Variants in PCDHGA6 observed in about 807,000 individuals in gnomAD.
PCDHGA6 encodes protocadherin gamma subfamily A, 6.
PCDHGA6 carries 41 observed loss-of-function variants against 60.6 expected under a neutral mutation model. That is an observed-to-expected ratio of 0.68 (90% confidence interval 0.53 to 0.88). The LOEUF is 0.88. PCDHGA6 is among the 40% of genes least tolerant of loss of function. The pLI is 0.00. For synonymous variants in PCDHGA6, 594 were observed against 524.4 expected, an observed-to-expected ratio of 1.13 and a Z score of -1.81; for missense variants, 1,312 against 1,203.0, an observed-to-expected ratio of 1.09 and a Z score of -1.34.
intron 1 of PCDHGA6, chr5:141,415,799 C>T (rs1037967294): frequency 5.2e-6 from 7 of 1,335,782 alleles, no homozygotes; most frequent in Non-Finnish European, 6.7e-6. Context: ...CACCTAGTCT[C>T]AATCAAGGCC....
Position 141,487,341 on chromosome 5 carries a change from TC to T in PCDHGA6, c.2425-7465del, listed in dbSNP as rs778559139. Reference sequence around the variant, plus strand: ...TGTCTTCGTGGGGCAGCCTGTGGAGTCACATGCTTTCCTGCTGGCACCTGTG... The same window carrying T: ...TGTCTTCGTGGGGCAGCCTGTGGAGTACATGCTTTCCTGCTGGCACCTGTG... On this transcript the variant is annotated intron_variant, in intron 1 of 3. Transcript: ENST00000517434. This position sits in a 1 kb window ranked among gnomAD's most constrained non-coding sequence, Gnocchi z 5.0. 1 of 1,614,012 alleles carries T rather than the reference TC, an allele frequency of 6.2e-7. No homozygotes were observed. The highest frequency in any genetic ancestry group is 1.1e-5 in the South Asian group (1 of 91,074).
At chr5:141,438,883 C>T (rs1026043786) in intron 1 of PCDHGA6, among the ~76,000 whole-genome samples, 4 of 151,728 alleles carry the variant, frequency 2.6e-5, no homozygotes, top group Non-Finnish European at 5.9e-5. Context: ...CCAGGCTGCT[C>T]TTGAACTCCT....
chr5:141,381,965 G>A (rs571350764), intron 1 of PCDHGA6, among the ~76,000 whole-genome samples: 2 of 151,078 alleles, frequency 1.3e-5, no homozygotes, highest in Admixed American at 1.3e-4. Context: ...GAGTAGCTGG[G>A]ATTACAGGCG....
chr5:141,476,142 G>T lies in PCDHGA6; in HGVS notation c.2425-18665G>T. 6.2e-7 allele frequency: 1 copy of T among 1,610,446 alleles called. No individual in the cohort carries two copies. Among genetic ancestry groups the T allele is most frequent in the South Asian group, 1.1e-5 (1 of 90,868 alleles). On this transcript the variant is annotated intron_variant, in intron 1 of 3. Coordinates refer to ENST00000517434, the MANE Select transcript of PCDHGA6 (RefSeq NM_018919.3). The surrounding 1 kb of genome is among the most constrained non-coding windows in gnomAD (Gnocchi z 7.6). Reference sequence around the variant, plus strand: ...ATGGTCCCAGAGGCCTGGAGGAGCGGACTGGTAAGCACCGGGAGGGTAGTG... The same window carrying T: ...ATGGTCCCAGAGGCCTGGAGGAGCGTACTGGTAAGCACCGGGAGGGTAGTG...
At chr5:141,413,722 T>TCC (rs1330658153) in intron 1 of PCDHGA6, 1 of 1,613,450 alleles carries the variant, frequency 6.2e-7, no homozygotes. Context: ...TAAGCACTTC[T>TCC]CCCTAAGAGT....
At chr5:141,401,728 T>G (rs1476616709) in intron 1 of PCDHGA6, among the ~76,000 whole-genome samples, 2 of 152,174 alleles carry the variant, frequency 1.3e-5, no homozygotes, top group Non-Finnish European at 2.9e-5. Context: ...AAACTACTAG[T>G]CTTGTGTACA....
intron 3 of PCDHGA6, among the ~76,000 whole-genome samples, chr5:141,510,330 C>T (rs1420880240): frequency 6.6e-6 from 1 of 151,298 alleles, no homozygotes; most frequent in Non-Finnish European, 1.5e-5. Context: ...GCACTCTTCA[C>T]CCCCACCCCA....
chr5:141,413,019 C>A (rs1056458163), intron 1 of PCDHGA6: 24 of 683,104 alleles, frequency 3.5e-5, no homozygotes, highest in Non-Finnish European at 5.2e-5. Flanking sequence ...ACTACACAAG[C>A]CCCACAAACC....
At chr5:141,418,479 C>G (rs375821205) in intron 1 of PCDHGA6, 3 of 1,614,010 alleles carry the variant, frequency 1.9e-6, no homozygotes, top group Non-Finnish European at 1.7e-6. Context: ...ACGCAGAGCG[C>G]TCACCACTTG....
rs1385144710 is a variant in PCDHGA6 at position 141,399,080 on chromosome 5, G to C, written c.2424+22573G>C. 1 of 1,613,696 alleles carries C rather than the reference G, an allele frequency of 6.2e-7. No homozygotes were observed. On this transcript the variant is annotated intron_variant, in intron 1 of 3. Transcript: ENST00000517434. ...GAATATTCAATGGTTGTAGAAGGGA[G>C]GGATGGTGGTGGACTGGTTGCACAA...
intron 1 of PCDHGA6, chr5:141,398,947 A>G: frequency 1.2e-6 from 2 of 1,613,968 alleles, no homozygotes; most frequent in Admixed American, 1.7e-5. Context: ...CGAGGGCATC[A>G]ACTCAGAAAT....
At chr5:141,459,427 G>A (rs1489214494) in intron 1 of PCDHGA6, among the ~76,000 whole-genome samples, 2 of 152,228 alleles carry the variant, frequency 1.3e-5, no homozygotes, top group Non-Finnish European at 2.9e-5. Flanking sequence ...ATATCACAAT[G>A]TGTTCATTCA....
rs1200950542 is a variant in PCDHGA6, at chr5:141,409,998, G to A, written c.2424+33491G>A. 4 of 1,613,236 alleles carry A rather than the reference G, an allele frequency of 2.5e-6. No homozygotes were observed. In the Admixed American group the frequency reaches 6.7e-5, roughly 27 times the overall value. On this transcript the variant is annotated intron_variant, in intron 1 of 3. Coordinates refer to ENST00000517434, the MANE Select transcript of PCDHGA6 (RefSeq NM_018919.3). ...GTGGTAGCGGTGGACGCCGACTCGGGACACAACGCCTGGCTGTCCTACCAC... is the reference window on the plus strand; with the variant it reads ...GTGGTAGCGGTGGACGCCGACTCGGAACACAACGCCTGGCTGTCCTACCAC...
In PCDHGA6 at chr5:141,486,819, T is replaced by TG; in HGVS notation, c.2425-7988_2425-7987insG. 6.2e-7 allele frequency: 1 copy of TG among 1,614,212 alleles called. No homozygotes were observed. Among genetic ancestry groups the TG allele is most frequent in the Non-Finnish European group, 8.5e-7 (1 of 1,180,034 alleles). On this transcript the variant is annotated intron_variant, in intron 1 of 3. Coordinates refer to ENST00000517434, the MANE Select transcript of PCDHGA6 (RefSeq NM_018919.3). The surrounding 1 kb of genome is among the most constrained non-coding windows in gnomAD (Gnocchi z 5.0). ...GGCAACCCACCCCTTAGCAGCACTG[T>TG]AACAGTTCGTCTATTTGTGCTGGAC...
chr5:141,432,681 G>A lies in PCDHGA6; in HGVS notation c.2424+56174G>A, dbSNP rs147073234. 2.4e-3 allele frequency: 3,845 copies of A among 1,613,930 alleles called. 12 individuals carry two copies. Among genetic ancestry groups the A allele is most frequent in the Admixed American group, 6.0e-3 (358 of 60,016 alleles). On this transcript the variant is annotated intron_variant, in intron 1 of 3. Coordinates refer to ENST00000517434, the MANE Select transcript of PCDHGA6 (RefSeq NM_018919.3). This position sits in a 1 kb window ranked among gnomAD's most constrained non-coding sequence, Gnocchi z 6.0. Reference sequence around the variant, plus strand: ...CTGGACAGAGACGCGCTCAAGCAGAGCCTCGTAGTGGCCGTCCAGGACCAC... The same window carrying A: ...CTGGACAGAGACGCGCTCAAGCAGAACCTCGTAGTGGCCGTCCAGGACCAC...
intron 1 of PCDHGA6, chr5:141,410,107 G>A: frequency 3.1e-6 from 5 of 1,612,702 alleles, no homozygotes; most frequent in Non-Finnish European, 4.2e-6. Flanking sequence ...TAGGCGACAG[G>A]GACGCAGCCC....
At chr5:141,421,464 T>C in intron 1 of PCDHGA6, 1 of 1,614,090 alleles carries the variant, frequency 6.2e-7, no homozygotes, top group Non-Finnish European at 8.5e-7. Flanking sequence ...TCGCTGTGAA[T>C]CCGCGAAGCG....
At position 141,476,304 on chromosome 5, in the gene PCDHGA6, C is replaced by T. The variant is rs769790423; in HGVS notation, c.2425-18503C>T. On this transcript the variant is annotated intron_variant, in intron 1 of 3. Coordinates refer to ENST00000517434, the MANE Select transcript of PCDHGA6 (RefSeq NM_018919.3). The surrounding 1 kb of genome is among the most constrained non-coding windows in gnomAD (Gnocchi z 7.6). Reference sequence around the variant, plus strand: ...GGTTTGGATCTCGGTAGCCTCTCAGCCCGCAGGTTCCGGGTGGTGTCTGGA... The same window carrying T: ...GGTTTGGATCTCGGTAGCCTCTCAGTCCGCAGGTTCCGGGTGGTGTCTGGA... The T allele has an allele frequency of 6.2e-7, 1 of 1,613,746 alleles. No individual in the cohort carries two copies. Among genetic ancestry groups the T allele is most frequent in the Admixed American group, 1.7e-5 (1 of 59,988 alleles).
intron 1 of PCDHGA6, among the ~76,000 whole-genome samples, chr5:141,465,219 C>A (rs1272266733): frequency 6.6e-6 from 1 of 152,004 alleles, no homozygotes; most frequent in Non-Finnish European, 1.5e-5. Context: ...TATTTTTCAA[C>A]ATGAGCTCCA....
Sources: allele counts gnomAD v4.1 joint callset (sites outside exome capture counted in the v4.1 genomes callset), GRCh38; gene constraint gnomAD v4.1.1; non-coding constraint Gnocchi (gnomAD v3.1); transcripts MANE v1.5; gene names NCBI Gene and HGNC (gene_info 2026-07-23, HGNC 2026-07-21).